Variants in XPO4 observed in about 807,000 individuals in gnomAD.
XPO4 encodes the protein exportin-4.
In XPO4, 39 loss-of-function variants were observed where a neutral mutation model predicts 143.0. The ratio of observed to expected loss-of-function variants is 0.27; its 90% CI spans 0.21 to 0.36. The LOEUF (loss-of-function observed/expected upper bound fraction) is 0.36, where lower values mean the gene tolerates loss of function less well. Ranked by LOEUF, XPO4 falls within the 10% of genes least tolerant of loss-of-function variation. The pLI is 1.00. For synonymous variants in XPO4, 439 were observed against 474.0 expected (o/e 0.93, Z 0.96); for missense variants, 907 against 1,348.0 (o/e 0.67, Z 5.12).
intron 9 of XPO4, among the ~76,000 whole-genome samples, chr13:20,817,476 T>C (rs1041371103): frequency 6.6e-6 from 1 of 152,242 alleles, no homozygotes; most frequent in African/African-American, 2.4e-5. Context: ...GCTACAAATA[T>C]ACTAAAACTA....
At chr13:20,878,410 T>C (rs557402065) in intron 1 of XPO4, among the ~76,000 whole-genome samples, 2 of 150,408 alleles carry the variant, frequency 1.3e-5, no homozygotes, top group South Asian at 4.2e-4. Flanking sequence ...AACATTATAA[T>C]AGAAAAAAAA....
intron 9 of XPO4, among the ~76,000 whole-genome samples, chr13:20,819,836 T>G (rs2059696647): frequency 6.6e-6 from 1 of 152,192 alleles, no homozygotes; most frequent in Non-Finnish European, 1.5e-5. Context: ...AGCTGTATAC[T>G]CCCCTGGTCC....
intron 1 of XPO4, among the ~76,000 whole-genome samples, chr13:20,880,830 C>T (rs976156499): frequency 1.3e-5 from 2 of 151,900 alleles, no homozygotes; most frequent in African/African-American, 4.8e-5. Context: ...TGGTGGCTTG[C>T]ACCTGTAGTC....
At chr13:20,832,214 A>G (rs1289190112) in intron 6 of XPO4, among the ~76,000 whole-genome samples, 1 of 152,198 alleles carries the variant, frequency 6.6e-6, no homozygotes, top group East Asian at 1.9e-4. Context: ...TCACTGGATA[A>G]TCCTACTAAA....
intron 1 of XPO4, among the ~76,000 whole-genome samples, chr13:20,891,121 T>TAAAAAA (rs1566629726): frequency 1.2e-5 from 1 of 85,986 alleles, no homozygotes; most frequent in Admixed American, 1.2e-4. Context: ...CCATCTCAAT[T>TAAAAAA]TAAAAAAAAA....
chr13:20,855,663 T>G lies in XPO4; in HGVS notation c.420A>C (p.Glu140Asp). The G allele has an allele frequency of 6.2e-7, 1 of 1,612,076 alleles. No individual in the cohort carries two copies. The highest frequency in any genetic ancestry group is 8.5e-7 in the Non-Finnish European group (1 of 1,179,612). The stretch of plus-strand genomic sequence containing the variant: ...TGCCACTACTAATCAACTGGCTGAC[T>G]TCATGAAAAATGCTTTTGCAGTCAA... The part of the protein sequence containing the change: ...KSIDCKSIFH[E>D]VSQLISSGNP... Residue 140 changes from glutamate (E) to aspartate (D), a missense_variant, in exon 4 of 23, where the codon GAA (glutamate) becomes GAC (aspartate). Physicochemically the swap from Glu to Asp is conservative, Grantham distance 45. Transcript: ENST00000255305.
At chr13:20,849,493 T>C in intron 4 of XPO4, 1 of 985,294 alleles carries the variant, frequency 1.0e-6, no homozygotes, top group Non-Finnish European at 1.2e-6. Flanking sequence ...ATAAAAAATT[T>C]TGCTACTTTC....
At chr13:20,856,158 A>T (rs1157448703) in intron 3 of XPO4, 1 of 238,534 alleles carries the variant, frequency 4.2e-6, no homozygotes, top group Non-Finnish European at 6.8e-6. Context: ...GTAGGGAAAA[A>T]AATCACTAAG....
At chr13:20,862,440 T>C (rs1409825326) in intron 3 of XPO4, among the ~76,000 whole-genome samples, 2 of 152,192 alleles carry the variant, frequency 1.3e-5, no homozygotes, top group East Asian at 3.8e-4. Flanking sequence ...GTTTAAAATA[T>C]GAGCCCCACA....
chr13:20,844,500 A>AG (rs1385945558), intron 4 of XPO4, among the ~76,000 whole-genome samples: 2 of 152,370 alleles, frequency 1.3e-5, no homozygotes, highest in East Asian at 3.9e-4. Flanking sequence ...AGACTAAAAC[A>AG]GTCAAGGTAC....
chr13:20,821,237 T>C (rs1449595301), intron 9 of XPO4, among the ~76,000 whole-genome samples: 4 of 150,828 alleles, frequency 2.7e-5, no homozygotes, highest in African/African-American at 9.8e-5. Flanking sequence ...CTAACCAAAA[T>C]AAGCAAGGTT....
chr13:20,797,737 C>G (rs573781409), intron 16 of XPO4, among the ~76,000 whole-genome samples: 1 of 152,316 alleles, frequency 6.6e-6, no homozygotes, highest in East Asian at 1.9e-4. Flanking sequence ...ACACTGGCAA[C>G]TCTTGGCCCT....
chr13:20,821,033 T>C (rs2137954553), intron 9 of XPO4, among the ~76,000 whole-genome samples: 1 of 152,294 alleles, frequency 6.6e-6, no homozygotes, highest in South Asian at 2.1e-4. Context: ...GAGTAACTGT[T>C]ACAAAAGCAG....
chr13:20,862,041 C>T (rs141973466), intron 3 of XPO4, among the ~76,000 whole-genome samples: 43 of 152,162 alleles, frequency 2.8e-4, no homozygotes, highest in Non-Finnish European at 5.4e-4. Flanking sequence ...CCTGGCTTGG[C>T]CTCCCAAAGT....
intron 4 of XPO4, chr13:20,851,676 C>G: frequency 1.2e-6 from 1 of 819,152 alleles, no homozygotes; most frequent in Non-Finnish European, 1.5e-6. Context: ...CACCATTGCC[C>G]TCCAGCCGAG....
chr13:20,785,963 GAAAAGA>G (rs1218166486), intron 22 of XPO4, among the ~76,000 whole-genome samples: 9 of 127,466 alleles, frequency 7.1e-5, no homozygotes, highest in African/African-American at 2.7e-4. Context: ...ATAGAAAAAA[GAAAAGA>G]AAAAGAGAGG....
At chr13:20,892,652 A>G (rs1181970087) in intron 1 of XPO4, among the ~76,000 whole-genome samples, 3 of 152,126 alleles carry the variant, frequency 2.0e-5, no homozygotes, top group African/African-American at 7.2e-5. Context: ...TCACATAAAT[A>G]AGGTGTTATA....
At chr13:20,819,551 T>C (rs2059692888) in intron 9 of XPO4, among the ~76,000 whole-genome samples, 2 of 151,906 alleles carry the variant, frequency 1.3e-5, no homozygotes, top group Non-Finnish European at 2.9e-5. Context: ...TCCCAGCTAC[T>C]CGGGAGGCTG....
intron 2 of XPO4, among the ~76,000 whole-genome samples, chr13:20,863,779 T>TAA (rs915105484): frequency 4.6e-5 from 7 of 152,194 alleles, no homozygotes; most frequent in African/African-American, 1.7e-4. Context: ...CCAAGATCAC[T>TAA]GGACATGCAT....
Sources: gnomAD v4.1 joint callset for allele counts (sites outside exome capture counted in the v4.1 genomes callset) on GRCh38, gnomAD v4.1.1 for gene constraint, MANE v1.5 for transcripts, NCBI Gene and HGNC (gene_info 2026-07-23, HGNC 2026-07-21) for gene names.